ELOVL6: variants seen among roughly 807,000 people sequenced by gnomAD.
ELOVL6 encodes the protein very long chain fatty acid elongase 6.
ELOVL6 carries 8 observed loss-of-function variants against 31.7 expected under a neutral mutation model. The ratio of observed to expected loss-of-function variants is 0.25; its 90% confidence interval spans 0.15 to 0.45. The LOEUF (loss-of-function observed/expected upper bound fraction) is 0.45. Ranked by LOEUF, ELOVL6 falls within the 20% of genes least tolerant of loss-of-function variation. The pLI is 1.00. For synonymous variants in ELOVL6, 101 were observed against 117.7 expected (o/e 0.86, Z 0.92); for missense variants, 126 against 326.4 (o/e 0.39, Z 4.73).
At position 110,084,075 on chromosome 4, in the gene ELOVL6, G is replaced by GATATATATGATATATA. The variant is rs1243873061; in HGVS notation, c.221+21421_221+21422insTATATATCATATATAT. ...TATATATGATATATAACATATATAT[G>GATATATATGATATATA]CTATATATGATATATAACATATATA... On this transcript the variant is annotated intron_variant, in intron 2 of 3. Coordinates refer to ENST00000302274, the MANE Select transcript of ELOVL6 (RefSeq NM_024090.3). 1.7e-3 allele frequency among the ~76,000 whole-genome samples: 95 copies of GATATATATGATATATA among 54,832 alleles called. 5 individuals carry two copies. Among genetic ancestry groups the GATATATATGATATATA allele is most frequent in the African/African-American group, 8.0e-3 (87 of 10,902 alleles). 36.0% of individuals were successfully genotyped at this position (54,832 alleles called of 152,430 possible). A position where few individuals can be genotyped will look rare whatever the true frequency, so the allele number is the denominator to read the frequency against.
chr4:110,166,941 C>T (rs1758796679), intron 1 of ELOVL6, among the ~76,000 whole-genome samples: 1 of 152,208 alleles, frequency 6.6e-6, no homozygotes, highest in African/African-American at 2.4e-5. Context: ...TGTACATCTG[C>T]CTTCCTAAAC....
intron 1 of ELOVL6, among the ~76,000 whole-genome samples, chr4:110,163,537 G>A (rs550351908): frequency 6.6e-6 from 1 of 152,296 alleles, no homozygotes; most frequent in African/African-American, 2.4e-5. Context: ...AAATTTAACA[G>A]TTATGGACTG....
chr4:110,154,327 C>T (rs1310017613), intron 1 of ELOVL6, among the ~76,000 whole-genome samples: 1 of 152,192 alleles, frequency 6.6e-6, no homozygotes, highest in Non-Finnish European at 1.5e-5. Context: ...GCGCTATCAG[C>T]TCACTGCAGC....
intron 1 of ELOVL6, chr4:110,147,256 A>G (rs565954255): frequency 6.2e-6 from 1 of 162,358 alleles, no homozygotes; most frequent in South Asian, 1.6e-4. Flanking sequence ...TAATTCAGCA[A>G]AAAAATAAAT....
intron 2 of ELOVL6, among the ~76,000 whole-genome samples, chr4:110,076,546 T>C (rs1755636748): frequency 6.6e-6 from 1 of 152,010 alleles, no homozygotes; most frequent in South Asian, 2.1e-4. Context: ...AATATGTAAA[T>C]AAAAATATAT....
In ELOVL6 at chr4:110,054,312, G is replaced by A. The variant is rs148357363; in HGVS notation, c.374-2550C>T. ...GGACAAAACTGGTGTCAGGAGACCC[G>A]GGATCTACTTTTCAGTGTTAAACTG... On this transcript the variant is annotated intron_variant, in intron 3 of 3. Transcript: ENST00000302274. Among the ~76,000 whole-genome samples, 9 of 152,204 alleles carry A rather than the reference G, an allele frequency of 5.9e-5. No homozygotes were observed. The East Asian group carries it at 1.4e-3, about 23-fold the overall frequency.
At chr4:110,066,271 TA>T in intron 2 of ELOVL6, among the ~76,000 whole-genome samples, 1 of 152,144 alleles carries the variant, frequency 6.6e-6, no homozygotes, top group Admixed American at 6.5e-5. Flanking sequence ...TAAAACAAAT[TA>T]ATCTCAAACC....
chr4:110,051,175 C>T lies in ELOVL6; in HGVS notation c.*163G>A. 1.4e-6 allele frequency: 1 copy of T among 697,632 alleles called. No individual in the cohort carries two copies. The highest frequency in any genetic ancestry group is 2.7e-5 in the East Asian group (1 of 36,716). 43.2% of individuals were successfully genotyped at this position (697,632 alleles called of 1,614,324 possible). Reference sequence around the variant, plus strand: ...TCACCCTAAAAGGATCATAAACTTACTGGGTTAAATCAACCTAATTATCCC... The same window carrying T: ...TCACCCTAAAAGGATCATAAACTTATTGGGTTAAATCAACCTAATTATCCC... On this transcript the variant is annotated 3_prime_UTR_variant, in exon 4 of 4. Transcript: ENST00000302274. This position sits in a 1 kb window ranked among gnomAD's most constrained non-coding sequence, Gnocchi z 4.8.
chr4:110,059,861 G>A (rs912717227), intron 2 of ELOVL6, 107 bp from the exon 3 acceptor site: 11 of 893,182 alleles, frequency 1.2e-5, no homozygotes, highest in Middle Eastern at 2.3e-4. Context: ...ATAGGCATAA[G>A]AATCATATTA....
intron 2 of ELOVL6, among the ~76,000 whole-genome samples, chr4:110,070,755 C>T (rs138168665): frequency 5.9e-4 from 90 of 152,296 alleles, no homozygotes; most frequent in African/African-American, 2.2e-3. Flanking sequence ...CTCTCTTCCT[C>T]TTTCTTCGGC....
At chr4:110,104,244 T>A (rs1310655355) in intron 2 of ELOVL6, among the ~76,000 whole-genome samples, 1 of 152,210 alleles carries the variant, frequency 6.6e-6, no homozygotes, top group East Asian at 1.9e-4. Context: ...AGGTGAGGCA[T>A]ACTCTGTCAA....
chr4:110,198,147 A>T (rs1759875298), intron 1 of ELOVL6, 100 bp downstream of exon 1: 1 of 619,144 alleles, frequency 1.6e-6, no homozygotes, highest in South Asian at 1.4e-5. Context: ...CCCGCGATTC[A>T]TCGCTCCATT....
chr4:110,120,798 C>CTTTT (rs1008949209), intron 1 of ELOVL6, among the ~76,000 whole-genome samples: 15 of 117,858 alleles, frequency 1.3e-4, no homozygotes, highest in East Asian at 7.6e-4. Context: ...TTTTTCTTTT[C>CTTTT]TTTTTTTTTT....
chr4:110,110,401 A>ATTT (rs397878146), intron 1 of ELOVL6, among the ~76,000 whole-genome samples: 7 of 109,744 alleles, frequency 6.4e-5, no homozygotes, highest in Non-Finnish European at 1.0e-4. Flanking sequence ...TTTTCCGCAG[A>ATTT]TTTTTTTTTT....
At chr4:110,104,079 T>G (rs1468219) in intron 2 of ELOVL6, among the ~76,000 whole-genome samples, 46,654 of 151,878 alleles carry the variant, frequency 0.31, 8,201 homozygotes, top group East Asian at 0.71. Context: ...AAGGTAGGGG[T>G]TGCAGGGGAG....
intron 1 of ELOVL6, among the ~76,000 whole-genome samples, chr4:110,168,868 T>C (rs758401477): frequency 2.6e-5 from 4 of 152,202 alleles, no homozygotes; most frequent in Non-Finnish European, 5.9e-5. Context: ...GGAGGGTTAA[T>C]TAAATTAATG....
chr4:110,087,043 G>T (rs1377002704), intron 2 of ELOVL6, among the ~76,000 whole-genome samples: 1 of 152,082 alleles, frequency 6.6e-6, no homozygotes, highest in East Asian at 1.9e-4. Context: ...GGAAACACCT[G>T]TCACTGTTTC....
intron 2 of ELOVL6, among the ~76,000 whole-genome samples, chr4:110,084,044 A>ATATATATG (rs1560813693): frequency 6.0e-5 from 2 of 33,272 alleles, no homozygotes; most frequent in Non-Finnish European, 9.1e-5. Context: ...GGTATATAAC[A>ATATATATG]CATGCTATAT....
intron 1 of ELOVL6, among the ~76,000 whole-genome samples, chr4:110,183,863 T>C (rs1484142730): frequency 6.6e-6 from 1 of 152,130 alleles, no homozygotes; most frequent in Non-Finnish European, 1.5e-5. Context: ...ATGCCTGTGG[T>C]CCCAGCTATT....
Sources: allele counts gnomAD v4.1 joint callset (sites outside exome capture counted in the v4.1 genomes callset), GRCh38; gene constraint gnomAD v4.1.1; non-coding constraint Gnocchi (gnomAD v3.1); transcripts MANE v1.5; gene names NCBI Gene and HGNC (gene_info 2026-07-23, HGNC 2026-07-21).